LRRTM4: variants seen among roughly 807,000 people sequenced by gnomAD.
The protein encoded by LRRTM4 is leucine rich repeat transmembrane neuronal 4, also known as leucine-rich repeat transmembrane neuronal protein 4.
Under a neutral mutation model 47.6 loss-of-function variants are expected in LRRTM4, and 25 were observed. The observed-to-expected ratio is 0.53, with a 90% CI of 0.38 to 0.73. LRRTM4 has a LOEUF of 0.73. Among genes scored for constraint, LRRTM4 ranks in the 30% least tolerant of loss-of-function variants. LRRTM4 has a pLI of 0.00. For missense variants in LRRTM4, 638 were observed against 713.4 expected, an observed-to-expected ratio of 0.89 and a Z score of 1.20; for synonymous variants, 311 against 269.5, an observed-to-expected ratio of 1.15 and a Z score of -1.51.
intron 3 of LRRTM4, among the ~76,000 whole-genome samples, chr2:76,858,668 A>G (rs1467741128): frequency 6.6e-6 from 1 of 152,222 alleles, no homozygotes; most frequent in African/African-American, 2.4e-5. Flanking sequence ...ATATTTTACT[A>G]TGAAAACTGC....
intron 3 of LRRTM4, among the ~76,000 whole-genome samples, chr2:77,374,526 A>C (rs995309361): frequency 2.0e-5 from 3 of 151,848 alleles, no homozygotes; most frequent in Non-Finnish European, 4.4e-5. Context: ...ATAGATTTTC[A>C]TCATCTCTTC....
At chr2:77,501,962 G>A (rs997239841) in intron 3 of LRRTM4, among the ~76,000 whole-genome samples, 4 of 151,234 alleles carry the variant, frequency 2.6e-5, no homozygotes, top group African/African-American at 4.8e-5. Flanking sequence ...ATGTTGAGGT[G>A]AGAAAATAAA....
chr2:76,799,974 C>G (rs1310408385), intron 3 of LRRTM4, among the ~76,000 whole-genome samples: 1 of 151,630 alleles, frequency 6.6e-6, no homozygotes, highest in Non-Finnish European at 1.5e-5. Context: ...AATGGAAGAA[C>G]ATTCCATGCT....
intron 3 of LRRTM4, among the ~76,000 whole-genome samples, chr2:76,809,164 AC>A (rs1435771837): frequency 6.6e-6 from 1 of 152,228 alleles, no homozygotes; most frequent in Non-Finnish European, 1.5e-5. Context: ...AGCTATAATG[AC>A]ACCAACCAGT....
intron 3 of LRRTM4, among the ~76,000 whole-genome samples, chr2:77,062,193 A>G (rs1404451630): frequency 6.6e-6 from 1 of 152,056 alleles, no homozygotes; most frequent in Non-Finnish European, 1.5e-5. Context: ...ATTATTGGAC[A>G]CTCCTCCAAA....
At chr2:76,902,925 C>CA (rs774291483) in intron 3 of LRRTM4, among the ~76,000 whole-genome samples, 3 of 152,162 alleles carry the variant, frequency 2.0e-5, no homozygotes, top group Non-Finnish European at 4.4e-5. Context: ...GCTCTATTTC[C>CA]AGGGACTCTG....
At chr2:77,224,297 T>C (rs1674737132) in intron 3 of LRRTM4, among the ~76,000 whole-genome samples, 1 of 152,150 alleles carries the variant, frequency 6.6e-6, no homozygotes, top group East Asian at 1.9e-4. Context: ...GACATAGGCA[T>C]GGGCAAGGAC....
chr2:77,025,484 T>A (rs531176115), intron 3 of LRRTM4, among the ~76,000 whole-genome samples: 1 of 152,244 alleles, frequency 6.6e-6, no homozygotes, highest in East Asian at 1.9e-4. Flanking sequence ...TGCAACACAT[T>A]TCTTAGAAAT....
At chr2:77,414,264 G>A (rs74935886) in intron 3 of LRRTM4, among the ~76,000 whole-genome samples, 8,892 of 151,910 alleles carry the variant, frequency 0.059, 897 homozygotes, top group African/African-American at 0.2. Context: ...TCTATATTAA[G>A]AGCTGAGAAA....
intron 3 of LRRTM4, among the ~76,000 whole-genome samples, chr2:77,073,012 T>A (rs1035062320): frequency 1.3e-5 from 2 of 152,244 alleles, no homozygotes; most frequent in East Asian, 3.9e-4. Flanking sequence ...ATCAATAGCC[T>A]CATTGACATC....
chr2:76,795,129 AATATT>A (rs1194580198), intron 3 of LRRTM4, among the ~76,000 whole-genome samples: 3 of 152,290 alleles, frequency 2.0e-5, no homozygotes, highest in African/African-American at 7.2e-5. Context: ...TACTAACAAT[AATATT>A]AAAGTGGACA....
At chr2:77,498,199 T>C (rs1678434368) in intron 3 of LRRTM4, among the ~76,000 whole-genome samples, 1 of 151,872 alleles carries the variant, frequency 6.6e-6, no homozygotes, top group East Asian at 1.9e-4. Context: ...TTAAACTCAA[T>C]TGGAAGAAAT....
At chr2:76,885,499 G>T (rs1034497698) in intron 3 of LRRTM4, among the ~76,000 whole-genome samples, 7 of 133,784 alleles carry the variant, frequency 5.2e-5, no homozygotes, top group Non-Finnish European at 9.2e-5. Flanking sequence ...GTCTCGCTCT[G>T]TCGCCCAGGC....
At chr2:77,359,022 C>A (rs764586057) in intron 3 of LRRTM4, among the ~76,000 whole-genome samples, 1 of 152,040 alleles carries the variant, frequency 6.6e-6, no homozygotes, top group Non-Finnish European at 1.5e-5. Context: ...CCTTTATTTT[C>A]ATCTAATTAC....
chr2:77,369,618 C>T (rs537267356), intron 3 of LRRTM4, among the ~76,000 whole-genome samples: 36 of 151,808 alleles, frequency 2.4e-4, no homozygotes, highest in Admixed American at 1.6e-3. Context: ...TTTTACTATA[C>T]AGTTATGGGT....
At chr2:77,293,781 G>T (rs114825521) in intron 3 of LRRTM4, among the ~76,000 whole-genome samples, 4,779 of 152,162 alleles carry the variant, frequency 0.031, 255 homozygotes, top group African/African-American at 0.11. Context: ...ATAATTGCTG[G>T]TGTGGGACAC....
chr2:76,787,389 A>G (rs116295178), intron 3 of LRRTM4, among the ~76,000 whole-genome samples: 2,581 of 152,216 alleles, frequency 0.017, 34 homozygotes, highest in Middle Eastern at 0.024. Context: ...CCTGCTCTGC[A>G]TAATCTCATA....
intron 3 of LRRTM4, among the ~76,000 whole-genome samples, chr2:77,222,555 A>G (rs943149107): frequency 1.3e-5 from 2 of 152,236 alleles, no homozygotes; most frequent in African/African-American, 2.4e-5. Flanking sequence ...ACTACAAACT[A>G]TCATCAGAGA....
At chr2:77,080,647 C>T (rs1329922749) in intron 3 of LRRTM4, among the ~76,000 whole-genome samples, 1 of 146,150 alleles carries the variant, frequency 6.8e-6, no homozygotes, top group East Asian at 2.1e-4. Flanking sequence ...TCCTTGACCT[C>T]TCTCTTTCTC....
Sources: allele counts gnomAD v4.1 joint callset (sites outside exome capture counted in the v4.1 genomes callset), GRCh38; gene constraint gnomAD v4.1.1; transcripts MANE v1.5; gene names NCBI Gene and HGNC (gene_info 2026-07-23, HGNC 2026-07-21).